Variants in IL1RAPL1 observed in about 807,000 individuals in gnomAD.
IL1RAPL1 encodes interleukin-1 receptor accessory protein-like 1.
Under a neutral mutation model 48.4 loss-of-function variants are expected in IL1RAPL1, and 3 were observed. The observed-to-expected ratio is 0.06, with a 90% CI of 0.03 to 0.16. The LOEUF is 0.16. Among genes scored for constraint, IL1RAPL1 ranks in the 10% least tolerant of loss-of-function variants. IL1RAPL1 has a pLI of 1.00. For synonymous variants in IL1RAPL1, 185 were observed against 187.7 expected (o/e 0.99, Z 0.12); for missense variants, 349 against 530.6 (o/e 0.66, Z 3.36).
intron 5 of IL1RAPL1, among the ~76,000 whole-genome samples, chrX:29,549,605 G>A (rs1003106048): frequency 2.7e-5 from 3 of 111,378 alleles, no homozygotes; most frequent in African/African-American, 6.5e-5. Context: ...CTGTGAATAG[G>A]GAGGGACTAC....
At chrX:29,865,551 G>A (rs1931670405) in intron 6 of IL1RAPL1, among the ~76,000 whole-genome samples, 1 of 108,968 alleles carries the variant, frequency 9.2e-6, no homozygotes, top group Non-Finnish European at 1.9e-5. Flanking sequence ...CCAGAATAAT[G>A]TTGCTCACAA....
At chrX:29,081,020 C>CTCTCTCTCTCTTTTCT (rs1555960745) in intron 2 of IL1RAPL1, among the ~76,000 whole-genome samples, 17 of 41,909 alleles carry the variant, frequency 4.1e-4, no homozygotes, top group Admixed American at 6.5e-4. Context: ...CTCTCTCTCT[C>CTCTCTCTCTCTTTTCT]TTTCTTTTCT....
At chrX:29,857,669 A>G (rs751389569) in intron 6 of IL1RAPL1, among the ~76,000 whole-genome samples, 2 of 111,883 alleles carry the variant, frequency 1.8e-5, no homozygotes, top group African/African-American at 3.2e-5. Context: ...AACTAAATTG[A>G]TATAAGACAG....
intron 1 of IL1RAPL1, among the ~76,000 whole-genome samples, chrX:28,631,982 G>A (rs773062971): frequency 4.8e-4 from 54 of 112,365 alleles, no homozygotes; most frequent in Admixed American, 2.4e-3. Context: ...TCACTTGCTC[G>A]CATAGGTTAA....
intron 2 of IL1RAPL1, among the ~76,000 whole-genome samples, chrX:28,994,535 C>A (rs1016202179): frequency 6.3e-5 from 7 of 111,238 alleles, no homozygotes; most frequent in Non-Finnish European, 1.1e-4. Flanking sequence ...CTGGTAGGAT[C>A]TAAGAGATCA....
At chrX:29,532,139 C>T (rs1921063866) in intron 5 of IL1RAPL1, among the ~76,000 whole-genome samples, 1 of 111,645 alleles carries the variant, frequency 9.0e-6, no homozygotes, top group South Asian at 3.8e-4. Flanking sequence ...CCTTTCTTAG[C>T]TGAGGACCAC....
At chrX:29,864,074 C>A (rs1033088567) in intron 6 of IL1RAPL1, among the ~76,000 whole-genome samples, 1 of 112,328 alleles carries the variant, frequency 8.9e-6, no homozygotes, top group East Asian at 2.8e-4. Flanking sequence ...CGTGAGCCAC[C>A]GTGCCCAGCT....
chrX:28,751,088 A>G (rs1936037800), intron 1 of IL1RAPL1, among the ~76,000 whole-genome samples: 1 of 111,294 alleles, frequency 9.0e-6, no homozygotes, highest in Admixed American at 9.7e-5. Context: ...ATTTTTTATA[A>G]ATTTGGAATC....
chrX:29,778,824 A>G (rs1266959371), intron 6 of IL1RAPL1, among the ~76,000 whole-genome samples: 1 of 112,270 alleles, frequency 8.9e-6, no homozygotes, highest in African/African-American at 3.2e-5. Context: ...GCCAAATAAC[A>G]TTTCTCATAA....
chrX:29,413,421 G>C (rs1052506293), intron 5 of IL1RAPL1, among the ~76,000 whole-genome samples: 1 of 110,296 alleles, frequency 9.1e-6, no homozygotes, highest in Non-Finnish European at 1.9e-5. Context: ...TGTTACATAT[G>C]TATACATGTG....
chrX:29,740,467 C>T (rs1437141329), intron 6 of IL1RAPL1, among the ~76,000 whole-genome samples: 1 of 111,961 alleles, frequency 8.9e-6, no homozygotes, highest in Admixed American at 9.5e-5. Flanking sequence ...TCAGAAATTT[C>T]TTAATTCAAT....
At chrX:29,276,704 T>C (rs964409501) in intron 2 of IL1RAPL1, among the ~76,000 whole-genome samples, 1 of 111,341 alleles carries the variant, frequency 9.0e-6, no homozygotes, top group African/African-American at 3.3e-5. Flanking sequence ...TTTTTAAAGA[T>C]AGGGTCTTGC....
chrX:28,960,222 A>G (rs1021959354), intron 2 of IL1RAPL1, among the ~76,000 whole-genome samples: 1 of 111,675 alleles, frequency 9.0e-6, no homozygotes, highest in African/African-American at 3.3e-5. Context: ...CTCAGTTCCT[A>G]TTACTCATTA....
chrX:29,531,975 C>T (rs1267920392), intron 5 of IL1RAPL1, among the ~76,000 whole-genome samples: 1 of 112,234 alleles, frequency 8.9e-6, no homozygotes, highest in Non-Finnish European at 1.9e-5. Context: ...GACCTTATAT[C>T]TGAAGATCAC....
intron 2 of IL1RAPL1, among the ~76,000 whole-genome samples, chrX:29,009,442 G>A (rs1298995930): frequency 8.9e-6 from 1 of 112,221 alleles, no homozygotes; most frequent in Non-Finnish European, 1.9e-5. Flanking sequence ...TTCATATATG[G>A]TGAAAGCTAA....
chrX:28,718,562 T>A (rs1385784913), intron 1 of IL1RAPL1, among the ~76,000 whole-genome samples: 1 of 111,687 alleles, frequency 9.0e-6, no homozygotes, highest in Non-Finnish European at 1.9e-5. Context: ...GTGAAAGCTT[T>A]ATTATATATT....
chrX:29,332,648 ATTTTAT>A (rs1180634108), intron 3 of IL1RAPL1, among the ~76,000 whole-genome samples: 46 of 72,841 alleles, frequency 6.3e-4, no homozygotes, highest in African/African-American at 2.8e-3. Flanking sequence ...TTATTTATTT[ATTTTAT>A]TTTTTTTTTT....
intron 6 of IL1RAPL1, among the ~76,000 whole-genome samples, chrX:29,739,023 A>C (rs1345912256): frequency 8.9e-6 from 1 of 112,104 alleles, no homozygotes; most frequent in African/African-American, 3.2e-5. Context: ...AACATTGACA[A>C]TTCTTGCACA....
intron 1 of IL1RAPL1, among the ~76,000 whole-genome samples, chrX:28,695,813 C>T (rs1359830430): frequency 8.9e-6 from 1 of 111,847 alleles, no homozygotes; most frequent in Non-Finnish European, 1.9e-5. Context: ...GGCATTGGCC[C>T]AGCCATGAAG....
Sources: allele counts gnomAD v4.1 joint callset (sites outside exome capture counted in the v4.1 genomes callset), GRCh38; gene constraint gnomAD v4.1.1; transcripts MANE v1.5; gene names NCBI Gene and HGNC (gene_info 2026-07-23, HGNC 2026-07-21).